FBXW12: variants seen among roughly 807,000 people sequenced by gnomAD.
FBXW12 encodes the protein F-box and WD repeat domain containing 12.
In FBXW12, 43 loss-of-function variants were observed where a neutral mutation model predicts 55.3. The ratio of observed to expected loss-of-function variants is 0.78; its 90% CI spans 0.61 to 1.00. The LOEUF (loss-of-function observed/expected upper bound fraction) is 1.00, where lower values mean the gene tolerates loss of function less well. Among genes scored for constraint, FBXW12 ranks in the 50% least tolerant of loss-of-function variants. The probability of loss-of-function intolerance (pLI) is 0.00; values close to 1 mark genes in which losing one functional copy is unlikely to be tolerated. For synonymous variants in FBXW12, 184 were observed against 203.8 expected, an observed-to-expected ratio of 0.90 and a Z score of 0.83; for missense variants, 524 against 560.5, an observed-to-expected ratio of 0.93 and a Z score of 0.66.
intron 5 of FBXW12, among the ~76,000 whole-genome samples, chr3:48,376,163 G>A (rs2036683165): frequency 6.6e-6 from 1 of 151,758 alleles, no homozygotes; most frequent in African/African-American, 2.4e-5. Flanking sequence ...TGTATTTTTA[G>A]TAGAGACGGG....
intron 2 of FBXW12, 55 bp from the exon 3 acceptor site, chr3:48,373,253 C>G: frequency 1.2e-6 from 2 of 1,613,768 alleles, no homozygotes; most frequent in East Asian, 4.5e-5. Context: ...AGAGGATTAC[C>G]CTTGCTCTCT....
chr3:48,385,342 G>GTA (rs1307591007), intron 10 of FBXW12, among the ~76,000 whole-genome samples: 3 of 45,700 alleles, frequency 6.6e-5, no homozygotes, highest in African/African-American at 2.7e-4. Context: ...ATTCCATTGT[G>GTA]TGTGTGTGTG....
rs186402436 is a variant in FBXW12 at position 48,375,341 on chromosome 3, T to C, written c.287-13T>C. The C allele has an allele frequency of 1.3e-4, 196 of 1,507,206 alleles. 2 individuals carry two copies. The Middle Eastern group carries it at 1.7e-3, about 13-fold the overall frequency. The allele number at this position is 1,507,206 out of a possible 1,614,324, so 93.4% of individuals were successfully genotyped here. On this transcript the variant is annotated splice_polypyrimidine_tract_variant and intron_variant, in intron 4 of 10. Transcript: ENST00000296438. ...AACTATCTGGTGGCCAAGTCTTCTA[T>C]GTTTCCTTCTAGCATTTGAGACGGA...
intron 4 of FBXW12, among the ~76,000 whole-genome samples, chr3:48,373,975 T>A (rs1560029420): frequency 6.6e-6 from 1 of 151,292 alleles, no homozygotes; most frequent in African/African-American, 2.4e-5. Flanking sequence ...AGGCTTCTCA[T>A]CCCTCCCAGA....
intron 7 of FBXW12, 49 bp from the exon 8 acceptor site, chr3:48,380,653 G>C: frequency 1.5e-6 from 2 of 1,377,254 alleles, no homozygotes; most frequent in Non-Finnish European, 2.1e-6. Flanking sequence ...CCTGTACTGA[G>C]AGGCTATAAG....
At chr3:48,372,878 A>G (rs1331078235) in intron 2 of FBXW12, 21 bp downstream of exon 2, 9 of 1,608,856 alleles carry the variant, frequency 5.6e-6, no homozygotes, top group Admixed American at 1.7e-5. Flanking sequence ...TCCACCTCCC[A>G]CTGCCCCCCA....
chr3:48,394,617 A>T lies in FBXW12; in HGVS notation c.1353A>T (p.Val451=), dbSNP rs2036979586. ...GCATAGTACTTAGGGTGAGGAAAGT[A>T]AGTGACTCCAGCATTCTGGTGATGT... ...NASIVLRVRK[V]SDSSILVMYS... The change falls in exon 11 of 11, where the codon GTA becomes GTT. Residue 451 remains valine (V), a synonymous_variant. Coordinates refer to ENST00000296438, the MANE Select transcript of FBXW12 (RefSeq NM_207102.2). The T allele has an allele frequency of 6.2e-7, 1 of 1,607,220 alleles. No homozygotes were observed. The highest frequency in any genetic ancestry group is 8.5e-7 in the Non-Finnish European group (1 of 1,176,198).
Position 48,381,688 on chromosome 3 carries a change from A to G in FBXW12, c.986-12A>G, listed in dbSNP as rs375701383. The G allele has an allele frequency of 2.6e-6, 4 of 1,544,896 alleles. No individual in the cohort carries two copies. The African/African-American group carries it at 5.5e-5, about 21-fold the overall frequency. ...GTGTGTGTATATATATGTGCGTTTT[A>G]CATGAAAACAGCATATGAGATCGCA... On this transcript the variant is annotated splice_polypyrimidine_tract_variant and intron_variant, in intron 8 of 10. Transcript: ENST00000296438.
intron 10 of FBXW12, among the ~76,000 whole-genome samples, chr3:48,388,350 T>C (rs988050966): frequency 2.0e-5 from 3 of 152,260 alleles, no homozygotes; most frequent in African/African-American, 4.8e-5. Flanking sequence ...AGTGATTCTA[T>C]CAATTGAGAG....
At chr3:48,384,661 G>A (rs1423513713) in intron 10 of FBXW12, among the ~76,000 whole-genome samples, 1 of 152,074 alleles carries the variant, frequency 6.6e-6, no homozygotes, top group African/African-American at 2.4e-5. Context: ...GCCCCTTACT[G>A]GGTTGAAAAT....
intron 10 of FBXW12, among the ~76,000 whole-genome samples, chr3:48,392,786 T>C (rs2036948428): frequency 6.6e-6 from 1 of 152,200 alleles, no homozygotes; most frequent in Non-Finnish European, 1.5e-5. Context: ...CTAGATAATG[T>C]GTCATTTTGC....
chr3:48,378,591 G>T, intron 6 of FBXW12, 65 bp downstream of exon 6: 1 of 1,299,816 alleles, frequency 7.7e-7, no homozygotes. Flanking sequence ...TCAGGCATCC[G>T]TGTCACATTA....
intron 3 of FBXW12, 34 bp from the exon 4 acceptor site, chr3:48,373,514 G>A (rs774235322): frequency 6.2e-7 from 1 of 1,607,532 alleles, no homozygotes; most frequent in Non-Finnish European, 8.5e-7. Context: ...AACTGACTGA[G>A]AACAGCCTGA....
At chr3:48,383,044 C>T (rs2036800157) in intron 10 of FBXW12, among the ~76,000 whole-genome samples, 1 of 152,198 alleles carries the variant, frequency 6.6e-6, no homozygotes, top group Admixed American at 6.5e-5. Flanking sequence ...CGTATATCCA[C>T]ACAAGGAAGT....
At chr3:48,381,623 G>A in intron 8 of FBXW12, 77 bp from the exon 9 acceptor site, 2 of 1,437,582 alleles carry the variant, frequency 1.4e-6, no homozygotes, top group Non-Finnish European at 1.9e-6. Flanking sequence ...TCAGTGTGAG[G>A]ATATTATTAT....
chr3:48,380,114 A>G (rs2036744650), intron 7 of FBXW12: 1 of 150,836 alleles, frequency 6.6e-6, no homozygotes, highest in South Asian at 2.1e-4. Context: ...CCTGGGCAAC[A>G]TGGCGAGACC....
chr3:48,373,644 G>A lies in FBXW12; in HGVS notation c.225G>A (p.Lys75=), dbSNP rs1353250636. 3 of 1,614,044 alleles carry A rather than the reference G, an allele frequency of 1.9e-6. No individual in the cohort carries two copies. Among genetic ancestry groups the A allele is most frequent in the Non-Finnish European group, 2.5e-6 (3 of 1,180,034 alleles). Residue 75 remains lysine, a synonymous_variant, in exon 4 of 11, where the codon AAG becomes AAA. Transcript: ENST00000296438. ...AATTTTTCCTGCATCAAAGAAGGAA[G>A]GAGCTTCGGTTGGCATTGGCACAGC... ...WKQFFLHQRR[K]ELRLALAQPH...
intron 10 of FBXW12, among the ~76,000 whole-genome samples, chr3:48,383,391 A>AT (rs1363993654): frequency 6.6e-6 from 1 of 151,940 alleles, no homozygotes; most frequent in African/African-American, 2.4e-5. Context: ...TCTTTAACAC[A>AT]TTTTTTCAAA....
chr3:48,393,242 C>A (rs762385921), intron 10 of FBXW12, among the ~76,000 whole-genome samples: 1 of 152,098 alleles, frequency 6.6e-6, no homozygotes, highest in Non-Finnish European at 1.5e-5. Context: ...GTAATCCACC[C>A]GCCTTGGCCT....
Sources: allele counts gnomAD v4.1 joint callset (sites outside exome capture counted in the v4.1 genomes callset), GRCh38; gene constraint gnomAD v4.1.1; transcripts MANE v1.5; gene names NCBI Gene and HGNC (gene_info 2026-07-23, HGNC 2026-07-21).